The following GRM6 variants were observed in gnomAD, a reference collection of about 807,000 sequenced individuals.
GRM6 encodes glutamate metabotropic receptor 6.
A neutral mutation model predicts 78.4 loss-of-function variants in GRM6; 73 were observed. The observed-to-expected ratio is 0.93, with a 90% confidence interval of 0.77 to 1.13. The LOEUF (loss-of-function observed/expected upper bound fraction) is 1.13. Ranked by LOEUF, GRM6 falls within the 50% of genes most tolerant of loss-of-function variation. The probability of loss-of-function intolerance (pLI) is 0.00; values close to 1 mark genes in which losing one functional copy is unlikely to be tolerated. For missense variants in GRM6, 1,251 were observed against 1,256.4 expected, an observed-to-expected ratio of 1.00 and a Z score of 0.07; for synonymous variants, 580 against 555.0, an observed-to-expected ratio of 1.05 and a Z score of -0.63.
At position 178,983,495 on chromosome 5, in the gene GRM6, A is replaced by G. The variant is rs1200655332; in HGVS notation, c.2125-274T>C. On this transcript the variant is annotated intron_variant, in intron 9 of 10. Transcript: ENST00000517717. Reference sequence around the variant, plus strand: ...CCGTATATGTTGGCAACATCAGTGCAGTGTGCATAAGGGGCAGCTTGGTGT... The same window carrying G: ...CCGTATATGTTGGCAACATCAGTGCGGTGTGCATAAGGGGCAGCTTGGTGT... 13 of 649,350 alleles carry G rather than the reference A, an allele frequency of 2.0e-5. No individual in the cohort carries two copies. The East Asian group carries it at 4.0e-4, about 20-fold the overall frequency. The allele number at this position is 649,350 out of a possible 1,614,324, so 40.2% of individuals were successfully genotyped here. A position where few individuals can be genotyped will look rare whatever the true frequency, so the allele number is the denominator to read the frequency against.
At position 178,991,591 on chromosome 5, in the gene GRM6, G is replaced by T. The variant is rs756729841; in HGVS notation, c.722-32C>A. ...GTTGGGGGTGCCAGAGTCAGCTTCCGTCCCACCCACCCACACACCCACCTG... is the reference window on the plus strand; with the variant it reads ...GTTGGGGGTGCCAGAGTCAGCTTCCTTCCCACCCACCCACACACCCACCTG... On this transcript the variant is annotated intron_variant, in intron 3 of 10. Coordinates refer to ENST00000517717, the MANE Select transcript of GRM6 (RefSeq NM_000843.4). The surrounding 1 kb of genome is among the most constrained non-coding windows in gnomAD (Gnocchi z 5.0). The T allele has an allele frequency of 6.2e-7, 1 of 1,611,884 alleles. No homozygotes were observed. The highest frequency in any genetic ancestry group is 2.2e-5 in the East Asian group (1 of 44,812).
chr5:178,983,140 C>T lies in GRM6; in HGVS notation c.2206G>A (p.Glu736Lys), dbSNP rs377294649. ...CACTTGAGCACCCCTCTGGCCTGCT[C>T]GGGGTCCACCGTCCGCTGTTCCTCA... ...DYEEQRTVDPEQARGVLKCDM... is the reference protein window; with the variant it reads ...DYEEQRTVDPKQARGVLKCDM... The change falls in exon 10 of 11, where the codon GAG becomes AAG. Residue 736 changes from glutamate (E) to lysine (K), a missense_variant. Physicochemically the swap from Glu to Lys is moderately conservative, Grantham distance 56. Transcript: ENST00000517717. 47 of 1,613,842 alleles carry T rather than the reference C, an allele frequency of 2.9e-5. No homozygotes were observed. The highest frequency in any genetic ancestry group is 2.2e-4 in the East Asian group (10 of 44,870).
Position 178,989,069 on chromosome 5 carries a change from G to C in GRM6, c.1220C>G (p.Ala407Gly). The change falls in exon 7 of 11, where the codon GCG becomes GGG. Residue 407 changes from alanine (A) to glycine (G), a missense_variant. By Grantham distance (60) the Ala-to-Gly change is moderately conservative. Transcript: ENST00000517717. ...GAGGGCGTGGGCAATGGCGTACACCGCATCAATCACAAACTGCACCTTGCC... is the reference window on the plus strand; with the variant it reads ...GAGGGCGTGGGCAATGGCGTACACCCCATCAATCACAAACTGCACCTTGCC... ...QEGKVQFVID[A>G]VYAIAHALHS... 1 of 1,613,848 alleles carries C rather than the reference G, an allele frequency of 6.2e-7. No homozygotes were observed. The highest frequency in any genetic ancestry group is 1.1e-5 in the South Asian group (1 of 91,054).
Position 178,983,080 on chromosome 5 carries a change from C to A in GRM6, c.2266G>T (p.Gly756Cys), listed in dbSNP as rs745727757. 2.5e-6 allele frequency: 4 copies of A among 1,614,132 alleles called. 1 individual carries two copies. In the South Asian group the frequency reaches 4.4e-5, roughly 18 times the overall value. The change falls in exon 10 of 11, where the codon GGC becomes TGC. Residue 756 changes from glycine to cysteine, a missense_variant. Physicochemically the swap from Gly to Cys is radical, Grantham distance 159. Transcript: ENST00000517717. ...GTGACCATGAGCAGGAGGCTGTAGC[C>A]CAGGCAGCCGATGAGAGACAGATCC... ...MSDLSLIGCL[G>C]YSLLLMVTCT...
At chr5:178,985,713 A>C (rs1271780429) in intron 9 of GRM6, 1 of 407,830 alleles carries the variant, frequency 2.5e-6, no homozygotes, top group East Asian at 7.1e-5. Flanking sequence ...AAAAAAAAAA[A>C]ACAAAACAAC....
chr5:178,983,028 C>A lies in GRM6; in HGVS notation c.2318G>T (p.Arg773Leu). 6.2e-7 allele frequency: 1 copy of A among 1,613,992 alleles called. No homozygotes were observed. The highest frequency in any genetic ancestry group is 1.3e-5 in the African/African-American group (1 of 75,056). Residue 773 changes from arginine to leucine, a missense_variant, in exon 10 of 11, where the codon CGT becomes CTT. Physicochemically the swap from Arg to Leu is moderately radical, Grantham distance 102. Transcript: ENST00000517717. The stretch of plus-strand genomic sequence containing the variant: ...CTCGTTGAAGGTCTCGGGCACGCCA[C>A]GGGCCTTGATGGCGTACACTGTGCA... ...VTCTVYAIKA[R>L]GVPETFNEAK...
At chr5:178,984,079 G>C (rs188028140) in intron 9 of GRM6, among the ~76,000 whole-genome samples, 12 of 152,246 alleles carry the variant, frequency 7.9e-5, no homozygotes, top group Non-Finnish European at 1.8e-4. Context: ...GCAGACCCCT[G>C]AACAAAGGAC....
At chr5:178,987,918 C>CCA (rs1760600376) in intron 7 of GRM6, among the ~76,000 whole-genome samples, 5 of 1,876 alleles carry the variant, frequency 2.7e-3, no homozygotes, top group South Asian at 0.5. Context: ...CGTCGCCATG[C>CCA]CCAGCTAATT....
chr5:178,991,557 C>A lies in GRM6; in HGVS notation c.724G>T (p.Gly242Trp), dbSNP rs371175421. The A allele has an allele frequency of 2.5e-6, 4 of 1,613,788 alleles. No individual in the cohort carries two copies. The South Asian group carries it at 3.3e-5, about 13-fold the overall frequency. ...TTGATAGACTGGGCAATACAGACCC[C>A]CCCTGGGCGTTGGGGGTGCCAGAGT... ...AFVQISREAG[G>W]VCIAQSIKIP... Residue 242 changes from glycine to tryptophan, a missense_variant and splice_region_variant, in exon 4 of 11, where the codon GGG (glycine) becomes TGG (tryptophan). Physicochemically the swap from Gly to Trp is radical, Grantham distance 184. Coordinates refer to ENST00000517717, the MANE Select transcript of GRM6 (RefSeq NM_000843.4). This position sits in a 1 kb window ranked among gnomAD's most constrained non-coding sequence, Gnocchi z 5.0.
chr5:178,990,611 G>C lies in GRM6; in HGVS notation c.993C>G (p.Pro331=). 1 of 1,613,128 alleles carries C rather than the reference G, an allele frequency of 6.2e-7. No individual in the cohort carries two copies. Among genetic ancestry groups the C allele is most frequent in the South Asian group, 1.1e-5 (1 of 91,018 alleles). The change falls in exon 5 of 11, where the codon CCC becomes CCG. Residue 331 remains proline, a synonymous_variant. Transcript: ENST00000517717. ...DVAVGAITIL[P]KRASIDGFDQ... is the part of the protein sequence containing the mutation. ...ACTCACCGTCGATGGAGGCCCTTTT[G>C]GGCAGGATGGTGATGGCCCCAACGG...
intron 9 of GRM6, chr5:178,985,386 C>T (rs560152470): frequency 4.3e-5 from 16 of 375,172 alleles, no homozygotes; most frequent in Admixed American, 3.4e-4. Flanking sequence ...AGGGGAGGGG[C>T]TCCATTTCCT....
rs777037534 is a variant in GRM6, at chr5:178,989,009, G to C, written c.1280C>G (p.Thr427Arg). The C allele has an allele frequency of 6.8e-6, 11 of 1,613,740 alleles. No homozygotes were observed. Among genetic ancestry groups the C allele is most frequent in the Non-Finnish European group, 8.5e-6 (10 of 1,179,646 alleles). The part of the protein sequence containing the change: ...SMHQALCPGH[T>R]GLCPAMEPTD... ...GGGTTCCATCGCCGGGCACAGGCCT[G>C]TGTGCCCAGGGCAGAGCGCCTGGTG... Residue 427 changes from threonine (T) to arginine (R), a missense_variant, in exon 7 of 11, where the codon ACA (threonine) becomes AGA (arginine). Physicochemically the swap from Thr to Arg is moderately conservative, Grantham distance 71 (BLOSUM62 -1). Transcript: ENST00000517717.
chr5:178,989,232 C>A, intron 6 of GRM6, 33 bp downstream of exon 6: 1 of 1,374,074 alleles, frequency 7.3e-7, no homozygotes, highest in Admixed American at 1.7e-5. Context: ...CCTCCCCACC[C>A]TCCCCACCCT....
At position 178,989,297 on chromosome 5, in the gene GRM6, G is replaced by A; in HGVS notation, c.1121C>T (p.Thr374Ile). Residue 374 changes from threonine (T) to isoleucine (I), a missense_variant, in exon 6 of 11, where the codon ACC (threonine) becomes ATC (isoleucine). Transcript: ENST00000517717. The stretch of plus-strand genomic sequence containing the variant: ...TTTGCGGGTGGAATCGTCTGACTGG[G>A]TACCTGAGCTGGTCAGTTTGCAGTT... ...NFNCKLTSSG[T>I]QSDDSTRKCT... 1 of 1,612,704 alleles carries A rather than the reference G, an allele frequency of 6.2e-7. No homozygotes were observed. Among genetic ancestry groups the A allele is most frequent in the Non-Finnish European group, 8.5e-7 (1 of 1,179,678 alleles).
At chr5:178,983,667 G>A (rs1475949) in intron 9 of GRM6, 23,809 of 358,872 alleles carry the variant, frequency 0.066, 1,198 homozygotes, top group African/African-American at 0.18. Flanking sequence ...ATCAGGGCAC[G>A]CCACAGGCAA....
At chr5:178,982,012 G>A (rs896559603) in intron 10 of GRM6, among the ~76,000 whole-genome samples, 158 bp from the exon 11 acceptor site, 1 of 152,204 alleles carries the variant, frequency 6.6e-6, no homozygotes, top group East Asian at 1.9e-4. Flanking sequence ...GGGGCCCCGC[G>A]CCTGAGGGGC....
rs1410786448 is a variant in GRM6 at position 178,986,435 on chromosome 5, A to T, written c.1819T>A (p.Phe607Ile). 6.2e-7 allele frequency: 1 copy of T among 1,613,440 alleles called. No individual in the cohort carries two copies. Among genetic ancestry groups the T allele is most frequent in the Non-Finnish European group, 8.5e-7 (1 of 1,179,952 alleles). The change falls in exon 9 of 11, where the codon TTC becomes ATC. Residue 607 changes from phenylalanine to isoleucine, a missense_variant. Coordinates refer to ENST00000517717, the MANE Select transcript of GRM6 (RefSeq NM_000843.4). ...ATGGGCGTGTTGTTGTACCGCACGAAGGTGGCCACCACCGTGGTAGTGGCC... is the reference window on the plus strand; with the variant it reads ...ATGGGCGTGTTGTTGTACCGCACGATGGTGGCCACCACCGTGGTAGTGGCC... Reference protein sequence around the residue: ...IVATTTVVATFVRYNNTPIVR... With the variant: ...IVATTTVVATIVRYNNTPIVR...
chr5:178,989,457 T>G, intron 5 of GRM6, 52 bp from the exon 6 acceptor site: 1 of 1,611,840 alleles, frequency 6.2e-7, no homozygotes, highest in South Asian at 1.1e-5. Flanking sequence ...CCAGCTGTGT[T>G]TCTCCTGTGT....
In GRM6 at chr5:178,979,792, T is replaced by C. The variant is rs773787310; in HGVS notation, c.*1865A>G. On this transcript the variant is annotated 3_prime_UTR_variant, in exon 11 of 11. Transcript: ENST00000517717. Reference sequence around the variant, plus strand: ...GGGAGAGACATGAGAAAACAGCAAATGCAGGAAAACTTTCCCTTGGAGATC... The same window carrying C: ...GGGAGAGACATGAGAAAACAGCAAACGCAGGAAAACTTTCCCTTGGAGATC... 1.3e-5 allele frequency: 2 copies of C among 152,788 alleles called. No individual in the cohort carries two copies. Among genetic ancestry groups the C allele is most frequent in the African/African-American group, 2.4e-5 (1 of 41,412 alleles). The allele number at this position is 152,788 out of a possible 1,614,324, so 9.5% of individuals were successfully genotyped here.
Sources: gnomAD v4.1 joint callset for allele counts (sites outside exome capture counted in the v4.1 genomes callset) on GRCh38, gnomAD v4.1.1 for gene constraint, Gnocchi (gnomAD v3.1) non-coding constraint, MANE v1.5 for transcripts, NCBI Gene and HGNC (gene_info 2026-07-23, HGNC 2026-07-21) for gene names.